The following ANK3 variants were observed in gnomAD, a reference collection of about 807,000 sequenced individuals.
The protein encoded by ANK3 is ankyrin-3.
A neutral mutation model predicts 370.9 loss-of-function variants in ANK3; 57 were observed. The observed-to-expected ratio is 0.15, with a 90% CI of 0.12 to 0.19. The LOEUF (loss-of-function observed/expected upper bound fraction) is 0.19, where lower values mean the gene tolerates loss of function less well. Ranked by LOEUF, ANK3 falls within the 10% of genes least tolerant of loss-of-function variation. ANK3 has a pLI of 1.00. For missense variants in ANK3, 4,439 were observed against 5,302.1 expected (o/e 0.84, Z 5.06); for synonymous variants, 1,929 against 1,946.3 (o/e 0.99, Z 0.23).
intron 4 of ANK3, 33 bp downstream of exon 4, chr10:60,278,741 C>T (rs376926858): frequency 3.2e-6 from 5 of 1,547,240 alleles, no homozygotes; most frequent in Non-Finnish European, 3.6e-6. Flanking sequence ...TAAATGATAA[C>T]AAAATGTCTG....
At position 60,080,542 on chromosome 10, in the gene ANK3, C is replaced by A. The variant is rs774916221; in HGVS notation, c.4427G>T (p.Gly1476Val). 19 of 1,612,552 alleles carry A rather than the reference C, an allele frequency of 1.2e-5. No individual in the cohort carries two copies. In the East Asian group the frequency reaches 1.3e-4, roughly 11 times the overall value. The change falls in exon 36 of 44, where the codon GGA (glycine) becomes GTA (valine). Residue 1476 changes from glycine (G) to valine (V), a missense_variant. Gly to Val is a moderately radical substitution (Grantham distance 109). Around this residue, in one of 13 missense-constraint regions of ANK3, gnomAD observed 679 missense variants for 791.0 expected, o/e 0.86. Coordinates refer to ENST00000280772, the MANE Select transcript of ANK3 (RefSeq NM_020987.5). ...AAATGTGTTAGGAAACTCACTCATT[C>A]CAGGCTCAGTCAAGTAGCTGTAGCG... The part of the protein sequence containing the change: ...RKRYSYLTEP[G>V]MIERSTGATR...
chr10:60,611,766 G>A (rs2078204867), intron 2 of ANK3, among the ~76,000 whole-genome samples: 1 of 150,752 alleles, frequency 6.6e-6, no homozygotes, highest in South Asian at 2.1e-4. Flanking sequence ...CACATTTACA[G>A]GCATCTAAAT....
intron 42 of ANK3, chr10:60,043,008 A>G (rs955024807): frequency 3.5e-5 from 45 of 1,271,060 alleles, no homozygotes; most frequent in South Asian, 4.7e-5. Context: ...AGTTAGTGAT[A>G]AATCAAAATA....
intron 1 of ANK3, among the ~76,000 whole-genome samples, chr10:60,637,511 C>T (rs914256918): frequency 3.3e-5 from 5 of 152,220 alleles, no homozygotes; most frequent in South Asian, 2.1e-4. Context: ...TCAAATTCTT[C>T]GAACTAATAA....
At chr10:60,183,683 A>G (rs1207415297) in intron 17 of ANK3, among the ~76,000 whole-genome samples, 1 of 151,790 alleles carries the variant, frequency 6.6e-6, no homozygotes, top group African/African-American at 2.4e-5. Context: ...ACATGGAGAA[A>G]CCCTGTCTCT....
chr10:60,197,473 T>C (rs1263721621), intron 14 of ANK3, among the ~76,000 whole-genome samples: 1 of 152,192 alleles, frequency 6.6e-6, no homozygotes, highest in Non-Finnish European at 1.5e-5. Context: ...GCAGCTGGTA[T>C]GGTGAAATGC....
intron 1 of ANK3, among the ~76,000 whole-genome samples, chr10:60,320,380 G>A (rs1480363566): frequency 6.6e-6 from 1 of 152,172 alleles, no homozygotes; most frequent in East Asian, 1.9e-4. Context: ...AATCACTTGA[G>A]GCCAGGAGTT....
intron 1 of ANK3, among the ~76,000 whole-genome samples, chr10:60,674,982 C>T (rs1480193138): frequency 6.6e-6 from 1 of 152,100 alleles, no homozygotes; most frequent in African/African-American, 2.4e-5. Context: ...AAGTTGACCT[C>T]AAAAGAACTC....
intron 2 of ANK3, among the ~76,000 whole-genome samples, chr10:60,535,202 T>C (rs1249984962): frequency 6.6e-6 from 1 of 152,140 alleles, no homozygotes; most frequent in African/African-American, 2.4e-5. Context: ...TGGGCTCTAA[T>C]GTTTGCGGTT....
chr10:60,238,779 A>G (rs1409813838), intron 7 of ANK3, among the ~76,000 whole-genome samples: 1 of 152,140 alleles, frequency 6.6e-6, no homozygotes, highest in East Asian at 1.9e-4. Flanking sequence ...CTGCCAAAAC[A>G]GGCTCCACCT....
chr10:60,641,901 C>T (rs975203856), intron 1 of ANK3, among the ~76,000 whole-genome samples: 60 of 150,102 alleles, frequency 4.0e-4, no homozygotes, highest in African/African-American at 1.4e-3. Flanking sequence ...GGGCTAATAT[C>T]CAGAATCTAC....
intron 2 of ANK3, among the ~76,000 whole-genome samples, chr10:60,528,385 C>A (rs1258546965): frequency 1.3e-5 from 2 of 152,020 alleles, no homozygotes; most frequent in African/African-American, 4.8e-5. Flanking sequence ...ATCCACCCAC[C>A]TTGGCCACCC....
At chr10:60,582,743 T>C (rs1271006672) in intron 2 of ANK3, among the ~76,000 whole-genome samples, 1 of 151,716 alleles carries the variant, frequency 6.6e-6, no homozygotes, top group Non-Finnish European at 1.5e-5. Context: ...AGTTTGCAAA[T>C]ATATGTTCCC....
intron 1 of ANK3, among the ~76,000 whole-genome samples, chr10:60,328,152 G>C (rs935690459): frequency 6.6e-6 from 1 of 152,128 alleles, no homozygotes; most frequent in Non-Finnish European, 1.5e-5. Context: ...AACTCAAGTC[G>C]ATGCAGTGGT....
At chr10:60,128,026 G>C (rs1313202090) in intron 25 of ANK3, among the ~76,000 whole-genome samples, 1 of 151,992 alleles carries the variant, frequency 6.6e-6, no homozygotes, top group Non-Finnish European at 1.5e-5. Flanking sequence ...AATTGTTACT[G>C]AATATGTCAG....
At chr10:60,493,234 A>T (rs2075570130) in intron 2 of ANK3, among the ~76,000 whole-genome samples, 6 of 152,150 alleles carry the variant, frequency 3.9e-5, no homozygotes, top group Admixed American at 3.3e-4. Flanking sequence ...GACTAATGGG[A>T]GTTGCTGACA....
chr10:60,074,250 T>C lies in ANK3; in HGVS notation c.6631A>G (p.Ser2211Gly), dbSNP rs2083332954. ...MELEPKPTTS[S>G]IKEKVKAFQM... ...AATGCTTTAACCTTTTCTTTAATAC[T>C]AGAGGTGGTGGGCTTTGGTTCCAAT... The change falls in exon 37 of 44, where the codon AGT becomes GGT. Residue 2211 changes from serine (S) to glycine (G), a missense_variant. This residue lies in a region of ANK3 where 1,601 missense variants were observed against 1,731.7 expected (regional missense o/e 0.92). Coordinates refer to ENST00000280772, the MANE Select transcript of ANK3 (RefSeq NM_020987.5). 3.7e-6 allele frequency: 6 copies of C among 1,614,006 alleles called. No homozygotes were observed. Among genetic ancestry groups the C allele is most frequent in the Non-Finnish European group, 4.2e-6 (5 of 1,180,004 alleles).
At chr10:60,348,347 C>CAAAA (rs35147179) in intron 1 of ANK3, among the ~76,000 whole-genome samples, 6 of 68,152 alleles carry the variant, frequency 8.8e-5, no homozygotes, top group African/African-American at 1.3e-4. Flanking sequence ...TATCACTAGC[C>CAAAA]AAAAAAAAAA....
intron 2 of ANK3, among the ~76,000 whole-genome samples, chr10:60,418,866 C>T (rs541275847): frequency 3.3e-5 from 5 of 152,028 alleles, no homozygotes; most frequent in African/African-American, 9.7e-5. Flanking sequence ...GTATAAAACA[C>T]CCTGAGTTTC....
Sources: allele counts gnomAD v4.1 joint callset (sites outside exome capture counted in the v4.1 genomes callset), GRCh38; gene constraint gnomAD v4.1.1; regional missense constraint gnomAD v4.1.1; transcripts MANE v1.5; gene names NCBI Gene and HGNC (gene_info 2026-07-23, HGNC 2026-07-21).